Variants in TMEM25 observed in about 807,000 individuals in gnomAD.
The protein encoded by TMEM25 is transmembrane protein 25.
A neutral mutation model predicts 37.0 loss-of-function variants in TMEM25; 36 were observed. The observed-to-expected ratio is 0.97, with a 90% CI of 0.75 to 1.28. The LOEUF is 1.28. Among genes scored for constraint, TMEM25 ranks in the 50% most tolerant of loss-of-function variants. The pLI is 0.00. For missense variants in TMEM25, 444 were observed against 477.9 expected (o/e 0.93, Z 0.66); for synonymous variants, 197 against 203.7 (o/e 0.97, Z 0.28).
intron 3 of TMEM25, 94 bp from the exon 4 acceptor site, chr11:118,532,823 G>A: frequency 6.6e-7 from 1 of 1,516,580 alleles, no homozygotes; most frequent in Non-Finnish European, 8.9e-7. Flanking sequence ...CTGAGGAGAG[G>A]CCCAGGCCCC....
At chr11:118,541,913 A>T (rs1446117614) in intron 8 of TMEM25, among the ~76,000 whole-genome samples, 3 of 152,088 alleles carry the variant, frequency 2.0e-5, no homozygotes, top group African/African-American at 7.2e-5. Context: ...GTATACCATC[A>T]TGCCTGGCTA....
At chr11:118,535,890 TC>T, downstream of TMEM25, 1 of 1,035,928 alleles carries the variant, frequency 9.7e-7, no homozygotes, top group Non-Finnish European at 1.2e-6. Flanking sequence ...TTATTTTGTT[TC>T]GTTTGAGATG....
Position 118,534,070 on chromosome 11 carries a change from G to T in TMEM25, c.878G>T (p.Arg293Leu), listed in dbSNP as rs140792350. ...NLKLNNVRLPRENMSLPSNLQ... is the reference protein window; with the variant it reads ...NLKLNNVRLPLENMSLPSNLQ... Reference sequence around the variant, plus strand: ...AAACTCAACAACGTGCGCCTGCCACGGGAGAACATGTCCCTCCCGTCCAAC... The same window carrying T: ...AAACTCAACAACGTGCGCCTGCCACTGGAGAACATGTCCCTCCCGTCCAAC... Residue 293 changes from arginine to leucine, a missense_variant, in exon 7 of 9, where the codon CGG (arginine) becomes CTG (leucine). Transcript: ENST00000313236. This position sits in a 1 kb window ranked among gnomAD's most constrained non-coding sequence, Gnocchi z 4.6. 1.9e-6 allele frequency: 3 copies of T among 1,613,904 alleles called. No homozygotes were observed. The highest frequency in any genetic ancestry group is 1.7e-6 in the Non-Finnish European group (2 of 1,180,010).
rs1951636219 is a variant in TMEM25, at chr11:118,544,843, T to C, written c.1028-1276T>C. The C allele has an allele frequency of 3.6e-5, 39 of 1,073,358 alleles. No homozygotes were observed. The South Asian group carries it at 5.0e-4, about 14-fold the overall frequency. 66.5% of individuals were successfully genotyped at this position (1,073,358 alleles called of 1,614,324 possible). The stretch of plus-strand genomic sequence containing the variant: ...GGCATGGGCAAGGACATCAAGTAGC[T>C]GACAACGATCTGTCCATCTCAGCTG... On this transcript the variant is annotated intron_variant, in intron 8 of 8. Coordinates refer to the TMEM25 transcript ENST00000354284.
intron 3 of TMEM25, 144 bp downstream of exon 3, chr11:118,532,605 T>G: frequency 1.0e-6 from 1 of 971,224 alleles, no homozygotes; most frequent in East Asian, 2.6e-5. Flanking sequence ...AGTAACCCCA[T>G]GAGGTCATTA....
At chr11:118,536,034 C>T (rs1182512320), downstream of TMEM25, among the ~76,000 whole-genome samples, 2 of 150,970 alleles carry the variant, frequency 1.3e-5, no homozygotes, top group African/African-American at 4.9e-5. Context: ...CCTACCACCA[C>T]GCCCATCTAA....
chr11:118,533,704 A>G, intron 5 of TMEM25, 153 bp downstream of exon 5: 1 of 1,560,604 alleles, frequency 6.4e-7, no homozygotes, highest in Non-Finnish European at 8.8e-7. Flanking sequence ...CCCAGGTAGC[A>G]GGGTCAAGCA....
downstream of TMEM25, among the ~76,000 whole-genome samples, chr11:118,538,589 A>G (rs1352797154): frequency 1.3e-5 from 2 of 151,492 alleles, no homozygotes; most frequent in African/African-American, 4.8e-5. Flanking sequence ...AGCCGTTTGT[A>G]TGTCTTCTTT....
At position 118,533,129 on chromosome 11, in the gene TMEM25, C is replaced by G; in HGVS notation, c.595C>G (p.Leu199Val). ...CACCAACCACACGGTGCAGCTGCAG[C>G]TCCGCAGCCTGGCACACAACCTCTC... is the stretch of plus-strand genomic sequence containing the variant. ...WLTNHTVQLQ[L>V]RSLAHNLSVV... Residue 199 changes from leucine to valine, a missense_variant, in exon 4 of 9, where the codon CTC becomes GTC. Physicochemically the swap from Leu to Val is conservative, Grantham distance 32. Transcript: ENST00000313236. 1 of 1,612,252 alleles carries G rather than the reference C, an allele frequency of 6.2e-7. No homozygotes were observed. The highest frequency in any genetic ancestry group is 8.5e-7 in the Non-Finnish European group (1 of 1,179,996).
Position 118,535,641 on chromosome 11 carries a change from GAA to G in TMEM25, c.*1063_*1064del. 2 of 1,521,820 alleles carry G rather than the reference GAA, an allele frequency of 1.3e-6. No individual in the cohort carries two copies. Among genetic ancestry groups the G allele is most frequent in the Non-Finnish European group, 1.8e-6 (2 of 1,136,366 alleles). 94.3% of individuals were successfully genotyped at this position (1,521,820 alleles called of 1,614,324 possible). The stretch of plus-strand genomic sequence containing the variant: ...TGTGGAAGCTTTAGGGGAACATGGA[GAA>G]AGAAGGAGACCACATACCCCAAAGT... On this transcript the variant is annotated 3_prime_UTR_variant, in exon 9 of 9. Transcript: ENST00000313236.
At chr11:118,545,532 A>G in intron 8 of TMEM25, 1 of 1,536,094 alleles carries the variant, frequency 6.5e-7, no homozygotes, top group Non-Finnish European at 9.0e-7. Flanking sequence ...AGAAGCAAAC[A>G]AACTCCGGGA....
At chr11:118,537,296 G>A (rs537180619), downstream of TMEM25, among the ~76,000 whole-genome samples, 99 of 151,972 alleles carry the variant, frequency 6.5e-4, no homozygotes, top group African/African-American at 2.2e-3. Context: ...AGCCGAGATC[G>A]CGCCAATGCA....
In TMEM25 at chr11:118,534,795, T is replaced by C. The variant is rs1452294653; in HGVS notation, c.*215T>C. 16 of 1,402,786 alleles carry C rather than the reference T, an allele frequency of 1.1e-5. No individual in the cohort carries two copies. The highest frequency in any genetic ancestry group is 1.4e-5 in the Non-Finnish European group (15 of 1,078,434). 86.9% of individuals were successfully genotyped at this position (1,402,786 alleles called of 1,614,324 possible). A position where few individuals can be genotyped will look rare whatever the true frequency, so the allele number is the denominator to read the frequency against. On this transcript the variant is annotated 3_prime_UTR_variant, in exon 9 of 9. Transcript: ENST00000313236. The surrounding 1 kb of genome is among the most constrained non-coding windows in gnomAD (Gnocchi z 4.6). ...CAGGTATCTTTGGCAAGGCTACCAG[T>C]TGGACGTAAGCCCCTCATGCTGACT...
chr11:118,534,910 G>T lies in TMEM25; in HGVS notation c.*330G>T. The T allele has an allele frequency of 8.2e-7, 1 of 1,212,234 alleles. No individual in the cohort carries two copies. Among genetic ancestry groups the T allele is most frequent in the Non-Finnish European group, 1.0e-6 (1 of 964,030 alleles). 75.1% of individuals were successfully genotyped at this position (1,212,234 alleles called of 1,614,324 possible). A position where few individuals can be genotyped will look rare whatever the true frequency, so the allele number is the denominator to read the frequency against. On this transcript the variant is annotated 3_prime_UTR_variant, in exon 9 of 9. Transcript: ENST00000313236. The surrounding 1 kb of genome is among the most constrained non-coding windows in gnomAD (Gnocchi z 4.6). ...AGATGTCATCCAGCATCCAAGTGTG[G>T]CATGGCCTGCTGTATACCCCACCCC...
In TMEM25 at chr11:118,544,931, T is replaced by C. The variant is rs1450662359; in HGVS notation, c.1028-1188T>C. On this transcript the variant is annotated intron_variant, in intron 8 of 8. Transcript: ENST00000354284. ...GGGAAGTGTCTCAGCTGAAGGTTAA[T>C]GTCTCCATGTCTCCAGCTTGGGAGG... 1.9e-6 allele frequency: 3 copies of C among 1,612,594 alleles called. No homozygotes were observed. The East Asian group carries it at 6.7e-5, about 36-fold the overall frequency.
chr11:118,538,583 G>A (rs782123494), downstream of TMEM25, among the ~76,000 whole-genome samples: 97 of 151,620 alleles, frequency 6.4e-4, 1 homozygote, highest in Admixed American at 4.0e-4. Context: ...CCTGTTAGCC[G>A]TTTGTATGTC....
In TMEM25 at chr11:118,533,100, G is replaced by C; in HGVS notation, c.566G>C (p.Trp189Ser). The C allele has an allele frequency of 6.2e-7, 1 of 1,613,762 alleles. No homozygotes were observed. Among genetic ancestry groups the C allele is most frequent in the East Asian group, 2.2e-5 (1 of 44,856 alleles). The change falls in exon 4 of 9, where the codon TGG (tryptophan) becomes TCG (serine). Residue 189 changes from tryptophan to serine, a missense_variant. Trp to Ser is a radical substitution (Grantham distance 177, BLOSUM62 -3). Transcript: ENST00000313236. ...FLVLDAQNYP[W>S]LTNHTVQLQL... is the part of the protein sequence containing the mutation. ...GTGCTGGATGCGCAGAACTACCCCT[G>C]GCTCACCAACCACACGGTGCAGCTG... is the stretch of plus-strand genomic sequence containing the variant.
In TMEM25 at chr11:118,534,468, A is replaced by G. The variant is rs1591343446; in HGVS notation, c.1028-39A>G. 6.2e-7 allele frequency: 1 copy of G among 1,613,410 alleles called. No individual in the cohort carries two copies. The highest frequency in any genetic ancestry group is 8.5e-7 in the Non-Finnish European group (1 of 1,179,742). On this transcript the variant is annotated intron_variant, in intron 8 of 8. Transcript: ENST00000313236. This position sits in a 1 kb window ranked among gnomAD's most constrained non-coding sequence, Gnocchi z 4.6. ...AGAGCTCTCCAAATTCCAAGGAACA[A>G]GCGTTACTGAGTCCCCGCGGGCTTC...
chr11:118,543,104 G>T (rs1226370869), intron 8 of TMEM25, among the ~76,000 whole-genome samples: 4 of 152,072 alleles, frequency 2.6e-5, no homozygotes, highest in African/African-American at 9.7e-5. Context: ...TTAGCCGGGT[G>T]TAGTGGTGCA....
Sources: allele counts gnomAD v4.1 joint callset (sites outside exome capture counted in the v4.1 genomes callset), GRCh38; gene constraint gnomAD v4.1.1; non-coding constraint Gnocchi (gnomAD v3.1); transcripts MANE v1.5; gene names NCBI Gene and HGNC (gene_info 2026-07-23, HGNC 2026-07-21).